The following MDGA2 variants were observed in gnomAD, a reference collection of about 807,000 sequenced individuals.
MDGA2 encodes the protein MAM domain-containing glycosylphosphatidylinositol anchor protein 2.
Under a neutral mutation model 117.8 loss-of-function variants are expected in MDGA2, and 40 were observed. That is an observed-to-expected ratio of 0.34 (90% CI 0.26 to 0.44). The LOEUF is 0.44. Ranked by LOEUF, MDGA2 falls within the 20% of genes least tolerant of loss-of-function variation. The pLI is 1.00. For synonymous variants in MDGA2, 452 were observed against 439.0 expected (o/e 1.03, Z -0.37); for missense variants, 1,123 against 1,250.6 (o/e 0.90, Z 1.54).
At chr14:47,508,690 GTTT>G (rs1032223185) in intron 1 of MDGA2, among the ~76,000 whole-genome samples, 30 of 151,934 alleles carry the variant, frequency 2.0e-4, no homozygotes, top group African/African-American at 7.0e-4. Context: ...TTGTTTGTTT[GTTT>G]TTTTGAGACA....
chr14:47,101,082 T>TAGATAGAG (rs1880284158), intron 5 of MDGA2, among the ~76,000 whole-genome samples: 1 of 98,664 alleles, frequency 1.0e-5, no homozygotes, highest in African/African-American at 4.3e-5. Flanking sequence ...GGACGATAGA[T>TAGATAGAG]AGATAGATAG....
At chr14:47,318,539 G>A (rs998284450) in intron 1 of MDGA2, among the ~76,000 whole-genome samples, 3 of 151,996 alleles carry the variant, frequency 2.0e-5, no homozygotes, top group African/African-American at 2.4e-5. Context: ...ACTACTTAAC[G>A]TGATACAGTT....
At chr14:47,262,245 A>G (rs937855805) in intron 2 of MDGA2, among the ~76,000 whole-genome samples, 2 of 152,172 alleles carry the variant, frequency 1.3e-5, no homozygotes, top group Non-Finnish European at 2.9e-5. Flanking sequence ...GTATTCATTC[A>G]TCTATGGATT....
chr14:47,406,456 G>A (rs557809554), intron 1 of MDGA2, among the ~76,000 whole-genome samples: 2 of 148,568 alleles, frequency 1.3e-5, no homozygotes, highest in Admixed American at 6.9e-5. Context: ...TAAAATAGCA[G>A]TAGATTTGGA....
intron 1 of MDGA2, among the ~76,000 whole-genome samples, chr14:47,303,225 T>C (rs1412975549): frequency 6.6e-6 from 1 of 152,174 alleles, no homozygotes; most frequent in African/African-American, 2.4e-5. Context: ...GTTCTGGGTA[T>C]TATATTCGTT....
chr14:47,428,301 A>G (rs1266019581), intron 1 of MDGA2, among the ~76,000 whole-genome samples: 1 of 152,160 alleles, frequency 6.6e-6, no homozygotes, highest in Non-Finnish European at 1.5e-5. Context: ...GTTTTAAAGT[A>G]CAATTGTGTT....
At chr14:47,286,186 T>C (rs1300202547) in intron 2 of MDGA2, among the ~76,000 whole-genome samples, 1 of 152,142 alleles carries the variant, frequency 6.6e-6, no homozygotes, top group African/African-American at 2.4e-5. Context: ...GCTGAGTAAT[T>C]GGAAGTAACA....
chr14:47,107,997 T>C (rs1427200993), intron 5 of MDGA2, among the ~76,000 whole-genome samples: 1 of 147,358 alleles, frequency 6.8e-6, no homozygotes, highest in East Asian at 2.0e-4. Context: ...CAGCCTTTAT[T>C]AGTCAAATCA....
At chr14:47,326,803 A>G (rs1156439164) in intron 1 of MDGA2, among the ~76,000 whole-genome samples, 2 of 152,124 alleles carry the variant, frequency 1.3e-5, no homozygotes, top group Non-Finnish European at 2.9e-5. Flanking sequence ...GGAGACATTA[A>G]TTGCTATTGA....
intron 10 of MDGA2, among the ~76,000 whole-genome samples, chr14:46,894,280 C>G (rs531574866): frequency 1.3e-5 from 2 of 152,062 alleles, no homozygotes; most frequent in South Asian, 4.2e-4. Flanking sequence ...ATATTATTAC[C>G]CAATATTGTC....
chr14:47,197,176 G>T (rs764996290), intron 3 of MDGA2, among the ~76,000 whole-genome samples: 1 of 152,054 alleles, frequency 6.6e-6, no homozygotes, highest in African/African-American at 2.4e-5. Flanking sequence ...ATTTATAAAG[G>T]TTCATTGCTG....
chr14:47,499,407 C>T (rs1298582148), intron 1 of MDGA2, among the ~76,000 whole-genome samples: 3 of 152,038 alleles, frequency 2.0e-5, no homozygotes, highest in Non-Finnish European at 4.4e-5. Context: ...AAATATAGTT[C>T]TTTCTCCCCC....
At chr14:47,102,350 AT>A (rs1880376312) in intron 5 of MDGA2, among the ~76,000 whole-genome samples, 2 of 147,056 alleles carry the variant, frequency 1.4e-5, no homozygotes, top group African/African-American at 5.1e-5. Flanking sequence ...CACAGAGAAG[AT>A]TGTGAGGAAG....
chr14:47,351,788 A>T (rs1310397605), intron 1 of MDGA2, among the ~76,000 whole-genome samples: 1 of 152,158 alleles, frequency 6.6e-6, no homozygotes. Flanking sequence ...GAAACCAGAA[A>T]AAGTACCTCA....
chr14:47,022,641 C>G (rs563975014), intron 8 of MDGA2, among the ~76,000 whole-genome samples: 1 of 152,046 alleles, frequency 6.6e-6, no homozygotes, highest in African/African-American at 2.4e-5. Flanking sequence ...AAAAATTACA[C>G]ATGGCTGGAG....
At chr14:47,433,664 T>C (rs955244909) in intron 1 of MDGA2, among the ~76,000 whole-genome samples, 4 of 152,164 alleles carry the variant, frequency 2.6e-5, no homozygotes, top group African/African-American at 9.6e-5. Context: ...GTGGGGCTGA[T>C]GCCGCCATTT....
intron 3 of MDGA2, among the ~76,000 whole-genome samples, chr14:47,157,379 T>A (rs114420248): frequency 0.028 from 4,200 of 152,214 alleles, 172 homozygotes; most frequent in African/African-American, 0.096. Flanking sequence ...CTTCAATAAG[T>A]TTTTTAAAAT....
chr14:47,178,173 T>G (rs534427237), intron 3 of MDGA2, among the ~76,000 whole-genome samples: 3 of 152,304 alleles, frequency 2.0e-5, no homozygotes, highest in East Asian at 1.9e-4. Context: ...ATATTAAAAT[T>G]CATTTGAAAA....
rs893680698 is a variant in MDGA2 at position 47,129,245 on chromosome 14, C to CT, written c.925+2468_925+2469insA. Among the ~76,000 whole-genome samples the CT allele has an allele frequency of 4.0e-5, 6 of 151,724 alleles. 1 individual carries two copies. Among genetic ancestry groups the CT allele is most frequent in the African/African-American group, 7.3e-5 (3 of 41,300 alleles). On this transcript the variant is annotated intron_variant, in intron 5 of 16. Coordinates refer to ENST00000399232, the MANE Select transcript of MDGA2 (RefSeq NM_001113498.3). ...TATCTCCCAATGCTATAGCTCCCCC[C>CT]CCGACCCCACAACAGTCCCCAGAGT... is the stretch of plus-strand genomic sequence containing the variant.
Sources: allele counts gnomAD v4.1 joint callset (sites outside exome capture counted in the v4.1 genomes callset), GRCh38; gene constraint gnomAD v4.1.1; transcripts MANE v1.5; gene names NCBI Gene and HGNC (gene_info 2026-07-23, HGNC 2026-07-21).